ANO3: variants seen among roughly 807,000 people sequenced by gnomAD.
The protein encoded by ANO3 is anoctamin 3, also known as anoctamin-3.
In ANO3, 99 loss-of-function variants were observed where a neutral mutation model predicts 144.8. That is an observed-to-expected ratio of 0.68 (90% CI 0.58 to 0.81). The LOEUF is 0.81. Among genes scored for constraint, ANO3 ranks in the 30% least tolerant of loss-of-function variants. The pLI is 0.00. For missense variants in ANO3, 905 were observed against 1,202.2 expected (o/e 0.75, Z 3.66); for synonymous variants, 414 against 392.6 (o/e 1.05, Z -0.64).
At chr11:26,601,484 G>A (rs995495409) in intron 17 of ANO3, among the ~76,000 whole-genome samples, 4 of 152,026 alleles carry the variant, frequency 2.6e-5, no homozygotes, top group South Asian at 2.1e-4. Context: ...ATCTCTAAAC[G>A]AGCCATAAAA....
At chr11:26,488,025 G>A (rs1860533487) in intron 4 of ANO3, among the ~76,000 whole-genome samples, 1 of 152,024 alleles carries the variant, frequency 6.6e-6, no homozygotes, top group Non-Finnish European at 1.5e-5. Context: ...AATTAGCTGG[G>A]CGTGGTGGCA....
intron 1 of ANO3, among the ~76,000 whole-genome samples, chr11:26,369,907 T>C (rs1590300630): frequency 6.6e-6 from 1 of 152,218 alleles, no homozygotes; most frequent in East Asian, 1.9e-4. Flanking sequence ...TCCTGAACCC[T>C]GCTGAGTATA....
intron 14 of ANO3, among the ~76,000 whole-genome samples, chr11:26,590,664 A>G (rs890126742): frequency 6.6e-6 from 1 of 152,204 alleles, no homozygotes; most frequent in Admixed American, 6.5e-5. Flanking sequence ...GTTCAGCTCA[A>G]TTAGGACGAA....
chr11:26,530,047 A>G (rs1240909942), intron 7 of ANO3, among the ~76,000 whole-genome samples: 1 of 152,138 alleles, frequency 6.6e-6, no homozygotes, highest in African/African-American at 2.4e-5. Context: ...CAGGCCTATG[A>G]ATTAGTATCT....
chr11:26,620,512 T>C, intron 17 of ANO3, among the ~76,000 whole-genome samples: 1 of 152,082 alleles, frequency 6.6e-6, no homozygotes, highest in African/African-American at 2.4e-5. Context: ...AAATTAAAAC[T>C]TTAATTCCAA....
intron 14 of ANO3, among the ~76,000 whole-genome samples, chr11:26,572,610 A>C (rs997670033): frequency 1.3e-5 from 2 of 152,124 alleles, no homozygotes; most frequent in Non-Finnish European, 2.9e-5. Context: ...TTGTGTACTT[A>C]AAGCCTAAGT....
chr11:26,539,209 C>G (rs1477547575), intron 10 of ANO3, among the ~76,000 whole-genome samples: 1 of 151,244 alleles, frequency 6.6e-6, no homozygotes, highest in African/African-American at 2.4e-5. Flanking sequence ...AATTTATAAT[C>G]CTATCAATTA....
intron 14 of ANO3, chr11:26,566,932 A>C: frequency 1.1e-6 from 1 of 884,262 alleles, no homozygotes; most frequent in Non-Finnish European, 1.5e-6. Context: ...TCTAAACAAG[A>C]TCTAGCCTAA....
At chr11:26,240,347 G>A (rs183919598) in intron 1 of ANO3, among the ~76,000 whole-genome samples, 1 of 152,206 alleles carries the variant, frequency 6.6e-6, no homozygotes, top group Admixed American at 6.5e-5. Flanking sequence ...AGTACTAATT[G>A]CATCTTTAAT....
chr11:26,390,473 C>T (rs1334270981), intron 1 of ANO3, among the ~76,000 whole-genome samples: 1 of 152,054 alleles, frequency 6.6e-6, no homozygotes, highest in East Asian at 1.9e-4. Flanking sequence ...AAAACAACAT[C>T]TTCAATATCC....
At chr11:26,639,315 T>C (rs772112594) in intron 21 of ANO3, 74 bp downstream of exon 21, 22 of 1,129,722 alleles carry the variant, frequency 1.9e-5, no homozygotes, top group African/African-American at 3.1e-5. Flanking sequence ...TGAGTAGTGC[T>C]TAAGAATTTG....
chr11:26,340,673 A>G (rs1855332863), intron 1 of ANO3, among the ~76,000 whole-genome samples: 1 of 152,246 alleles, frequency 6.6e-6, no homozygotes, highest in Non-Finnish European at 1.5e-5. Flanking sequence ...TGAGTGAACT[A>G]TAGTAAATTG....
intron 1 of ANO3, among the ~76,000 whole-genome samples, chr11:26,396,468 C>A (rs1419087353): frequency 6.6e-6 from 1 of 152,126 alleles, no homozygotes; most frequent in African/African-American, 2.4e-5. Flanking sequence ...GGTTATAAAT[C>A]ATTTTACTAT....
intron 17 of ANO3, among the ~76,000 whole-genome samples, chr11:26,600,325 C>CCTCCT (rs1851761437): frequency 1.2e-5 from 1 of 81,840 alleles, no homozygotes; most frequent in African/African-American, 4.8e-5. Context: ...TCTCCCCTCC[C>CCTCCT]GTCTTCTCTC....
Position 26,661,957 on chromosome 11 carries a change from T to A in ANO3, c.*1513T>A, listed in dbSNP as rs1420183974. The A allele has an allele frequency of 6.6e-6, 1 of 152,028 alleles. No homozygotes were observed. Among genetic ancestry groups the A allele is most frequent in the Non-Finnish European group, 1.5e-5 (1 of 67,968 alleles). 9.4% of individuals were successfully genotyped at this position (152,028 alleles called of 1,614,324 possible). ...TATTTATGGTTACTATGATTGTTAT[T>A]ATTTGTCCAATCAAGCAAAGCACCA... On this transcript the variant is annotated 3_prime_UTR_variant, in exon 27 of 27. Coordinates refer to ENST00000256737, the MANE Select transcript of ANO3 (RefSeq NM_031418.4).
At chr11:26,648,954 A>C (rs1327467028) in intron 24 of ANO3, among the ~76,000 whole-genome samples, 1 of 152,234 alleles carries the variant, frequency 6.6e-6, no homozygotes, top group Non-Finnish European at 1.5e-5. Context: ...TTCTGGATAT[A>C]AATGTCTCAG....
At chr11:26,404,633 G>GT (rs1175246134) in intron 1 of ANO3, among the ~76,000 whole-genome samples, 1 of 151,764 alleles carries the variant, frequency 6.6e-6, no homozygotes, top group East Asian at 2.0e-4. Context: ...CAGCTATATT[G>GT]TATTTGTTTT....
intron 12 of ANO3, among the ~76,000 whole-genome samples, chr11:26,549,153 T>C (rs1849864682): frequency 6.6e-6 from 1 of 152,004 alleles, no homozygotes; most frequent in South Asian, 2.1e-4. Flanking sequence ...TTGATTTATA[T>C]ACCAATAGAG....
chr11:26,253,584 T>C (rs1852988676), intron 1 of ANO3, among the ~76,000 whole-genome samples: 1 of 151,578 alleles, frequency 6.6e-6, no homozygotes, highest in African/African-American at 2.4e-5. Flanking sequence ...AAAACCTCAC[T>C]GGATACATTT....
Sources: allele counts gnomAD v4.1 joint callset (sites outside exome capture counted in the v4.1 genomes callset), GRCh38; gene constraint gnomAD v4.1.1; transcripts MANE v1.5; gene names NCBI Gene and HGNC (gene_info 2026-07-23, HGNC 2026-07-21).